Variants in TOP1MT observed in about 807,000 individuals in gnomAD.
TOP1MT encodes the protein DNA topoisomerase I mitochondrial.
A neutral mutation model predicts 73.9 loss-of-function variants in TOP1MT; 80 were observed. The observed-to-expected ratio is 1.08, with a 90% confidence interval of 0.90 to 1.30. TOP1MT has a LOEUF of 1.30. Ranked by LOEUF, TOP1MT falls within the 50% of genes most tolerant of loss-of-function variation. TOP1MT has a pLI of 0.00. For missense variants in TOP1MT, 815 were observed against 808.0 expected, an observed-to-expected ratio of 1.01 and a Z score of -0.10; for synonymous variants, 338 against 326.4, an observed-to-expected ratio of 1.04 and a Z score of -0.38.
chr8:143,322,005 A>C (rs1410287907), intron 7 of TOP1MT, among the ~76,000 whole-genome samples: 1 of 90,264 alleles, frequency 1.1e-5, no homozygotes, highest in South Asian at 5.1e-4. Flanking sequence ...CACGCCACAC[A>C]CATGCACGCC....
upstream of TOP1MT, among the ~76,000 whole-genome samples, chr8:143,338,518 G>C (rs1390340613): frequency 6.6e-6 from 1 of 151,406 alleles, no homozygotes; most frequent in Admixed American, 6.6e-5. Context: ...GGTGAGCTGA[G>C]ATCGCACCAT....
At chr8:143,321,967 T>C (rs1428661852) in intron 7 of TOP1MT, among the ~76,000 whole-genome samples, 11 of 16,950 alleles carry the variant, frequency 6.5e-4, no homozygotes, top group African/African-American at 7.7e-4. Flanking sequence ...GCCACACACA[T>C]GCTCACCACA....
chr8:143,321,880 G>A (rs1269117087), intron 7 of TOP1MT, among the ~76,000 whole-genome samples: 4 of 51,756 alleles, frequency 7.7e-5, no homozygotes, highest in Non-Finnish European at 1.0e-4. Flanking sequence ...CACACCACAC[G>A]CACGCCACAC....
chr8:143,325,191 G>A (rs1340730164), intron 5 of TOP1MT, among the ~76,000 whole-genome samples, 155 bp downstream of exon 5: 5 of 152,124 alleles, frequency 3.3e-5, no homozygotes, highest in East Asian at 1.9e-4. Flanking sequence ...GCCCTTGCCC[G>A]GCCACGCCTA....
In TOP1MT at chr8:143,321,705, A is replaced by G. The variant is rs1191862992; in HGVS notation, c.961-319T>C. On this transcript the variant is annotated intron_variant, in intron 7 of 13. Coordinates refer to ENST00000329245, the MANE Select transcript of TOP1MT (RefSeq NM_052963.3). ...CACGCCACGCACGCACGCCACGCAC[A>G]CATGCCACACACGCACGCCACACAC... Among the ~76,000 whole-genome samples the G allele has an allele frequency of 5.6e-4, 63 of 111,682 alleles. 1 individual carries two copies. The highest frequency in any genetic ancestry group is 5.7e-4 in the East Asian group (2 of 3,520). 73.3% of individuals were successfully genotyped at this position (111,682 alleles called of 152,430 possible). A position where few individuals can be genotyped will look rare whatever the true frequency, so the allele number is the denominator to read the frequency against.
At chr8:143,310,927 C>T (rs1815995313) in intron 12 of TOP1MT, among the ~76,000 whole-genome samples, 1 of 151,232 alleles carries the variant, frequency 6.6e-6, no homozygotes, top group South Asian at 2.1e-4. Context: ...CACACACAGT[C>T]CTTCTGGAAA....
intron 8 of TOP1MT, among the ~76,000 whole-genome samples, chr8:143,319,122 T>C (rs1459237878): frequency 6.6e-6 from 1 of 152,052 alleles, no homozygotes; most frequent in Non-Finnish European, 1.5e-5. Flanking sequence ...TTCTGTCTCC[T>C]ACCTCCGATT....
chr8:143,347,850 G>A (rs188460194), upstream of TOP1MT, among the ~76,000 whole-genome samples: 145 of 152,352 alleles, frequency 9.5e-4, no homozygotes, highest in Middle Eastern at 3.4e-3. Context: ...CAGCAGGCCA[G>A]GCCTCGAAGC....
chr8:143,318,692 C>T (rs1816244194), intron 8 of TOP1MT, among the ~76,000 whole-genome samples: 1 of 152,146 alleles, frequency 6.6e-6, no homozygotes, highest in Admixed American at 6.5e-5. Flanking sequence ...GTTGCTCTCT[C>T]CAGCACCAGC....
intron 2 of TOP1MT, among the ~76,000 whole-genome samples, chr8:143,330,949 G>T (rs188247862): frequency 7.7e-6 from 1 of 129,552 alleles, no homozygotes; most frequent in African/African-American, 3.3e-5. Flanking sequence ...GGGGAGGGAG[G>T]GGGGGTCCGC....
At chr8:143,335,121 C>A (rs187280131), upstream of TOP1MT, among the ~76,000 whole-genome samples, 226 of 152,386 alleles carry the variant, frequency 1.5e-3, no homozygotes, top group African/African-American at 5.4e-3. Context: ...CCCAGTCCCA[C>A]TGACCTCTGC....
chr8:143,351,524 G>A (rs1217505895), intron 1 of TOP1MT, among the ~76,000 whole-genome samples: 1 of 151,140 alleles, frequency 6.6e-6, no homozygotes, highest in Non-Finnish European at 1.5e-5. Flanking sequence ...AGCTTGTGGT[G>A]AGCCAAGATC....
chr8:143,334,616 GC>G (rs1816941805), intron 1 of TOP1MT, 123 bp downstream of exon 1: 1 of 1,409,034 alleles, frequency 7.1e-7, no homozygotes, highest in Non-Finnish European at 9.5e-7. Flanking sequence ...TGCTCTCCTG[GC>G]CCGACTTTTG....
upstream of TOP1MT, among the ~76,000 whole-genome samples, chr8:143,358,240 T>A (rs1368717576): frequency 6.6e-6 from 1 of 152,204 alleles, no homozygotes; most frequent in East Asian, 1.9e-4. Context: ...CCCAGTACTC[T>A]CTCTCTTCCT....
Position 143,321,273 on chromosome 8 carries a change from T to C in TOP1MT, c.1074A>G (p.Gln358=), listed in dbSNP as rs2130028418. The C allele has an allele frequency of 1.2e-6, 2 of 1,612,618 alleles. No individual in the cohort carries two copies. The highest frequency in any genetic ancestry group is 1.7e-6 in the Non-Finnish European group (2 of 1,179,206). The stretch of plus-strand genomic sequence containing the variant: ...CCAGGAAGTCAAATTCCACCACGTG[T>C]TGGCAGCCATCGGCCTCCGGGTGCA... ...VQLHPEADGC[Q]HVVEFDFLGK... Residue 358 remains glutamine (Q), a synonymous_variant, in exon 8 of 14, where the codon CAA becomes CAG. Coordinates refer to ENST00000329245, the MANE Select transcript of TOP1MT (RefSeq NM_052963.3).
At chr8:143,342,700 A>G (rs1817141278) in intron 2 of TOP1MT, among the ~76,000 whole-genome samples, 1 of 110,234 alleles carries the variant, frequency 9.1e-6, no homozygotes, top group African/African-American at 3.2e-5. Context: ...ATTATTAGAG[A>G]CAGAGTCTCG....
At position 143,321,292 on chromosome 8, in the gene TOP1MT, G is replaced by A. The variant is rs376210738; in HGVS notation, c.1055C>T (p.Pro352Leu). Reference protein sequence around the residue: ...SLRVEHVQLHPEADGCQHVVE... With the variant: ...SLRVEHVQLHLEADGCQHVVE... ...CACGTGTTGGCAGCCATCGGCCTCC[G>A]GGTGCAGCTGGACGTGCTCCACGCG... is the stretch of plus-strand genomic sequence containing the variant. The change falls in exon 8 of 14, where the codon CCG (proline) becomes CTG (leucine). Residue 352 changes from proline (P) to leucine (L), a missense_variant. Coordinates refer to ENST00000329245, the MANE Select transcript of TOP1MT (RefSeq NM_052963.3). 27 of 1,612,348 alleles carry A rather than the reference G, an allele frequency of 1.7e-5. No individual in the cohort carries two copies. Among genetic ancestry groups the A allele is most frequent in the African/African-American group, 8.0e-5 (6 of 74,856 alleles).
chr8:143,326,434 C>A, intron 3 of TOP1MT, 90 bp from the exon 4 acceptor site: 1 of 1,563,594 alleles, frequency 6.4e-7, no homozygotes, highest in Non-Finnish European at 8.7e-7. Flanking sequence ...GAAACGCGCT[C>A]TCGCCATGTC....
chr8:143,354,428 G>A (rs932206263), intron 1 of TOP1MT, among the ~76,000 whole-genome samples: 2 of 152,144 alleles, frequency 1.3e-5, no homozygotes, highest in South Asian at 4.1e-4. Context: ...AAAGAAAAAC[G>A]TTAGCCGGGC....
Sources: allele counts gnomAD v4.1 joint callset (sites outside exome capture counted in the v4.1 genomes callset), GRCh38; gene constraint gnomAD v4.1.1; transcripts MANE v1.5; gene names NCBI Gene and HGNC (gene_info 2026-07-23, HGNC 2026-07-21).